The following CNTN2 variants were observed in gnomAD, a reference collection of about 807,000 sequenced individuals.
CNTN2 encodes the protein contactin 2.
In CNTN2, 53 loss-of-function variants were observed where a neutral mutation model predicts 117.5. The ratio of observed to expected loss-of-function variants is 0.45; its 90% CI spans 0.36 to 0.57. The LOEUF (loss-of-function observed/expected upper bound fraction) is 0.57. Among genes scored for constraint, CNTN2 ranks in the 20% least tolerant of loss-of-function variants. CNTN2 has a pLI of 0.00. For synonymous variants in CNTN2, 530 were observed against 561.7 expected, an observed-to-expected ratio of 0.94 and a Z score of 0.80; for missense variants, 1,106 against 1,404.3, an observed-to-expected ratio of 0.79 and a Z score of 3.39.
Position 205,057,950 on chromosome 1 carries a change from A to C in CNTN2, c.100A>C (p.Thr34Pro), listed in dbSNP as rs1574640720. 6.2e-7 allele frequency: 1 copy of C among 1,613,900 alleles called. No homozygotes were observed. Among genetic ancestry groups the C allele is most frequent in the South Asian group, 1.1e-5 (1 of 91,054 alleles). Residue 34 changes from threonine to proline, a missense_variant, in exon 3 of 23, where the codon ACC (threonine) becomes CCC (proline). By Grantham distance (38) the Thr-to-Pro change is conservative. Transcript: ENST00000331830. Reference protein sequence around the residue: ...AWSSALGSQTTFGPVFEDQPL... With the variant: ...AWSSALGSQTPFGPVFEDQPL... ...GAGTTCAGCCCTGGGATCCCAAACC[A>C]CCTTCGGGCCTGTCTTTGAAGACCA...
At position 205,074,120 on chromosome 1, in the gene CNTN2, C is replaced by A. The variant is rs970247567; in HGVS notation, c.*355C>A. On this transcript the variant is annotated 3_prime_UTR_variant, in exon 23 of 23. Transcript: ENST00000331830. ...AGAGATGGCCCTCTGGGACCCTATA[C>A]GGACTCCGCCACTTGAGAGCAGTCC... The A allele has an allele frequency of 3.7e-6, 2 of 535,608 alleles. No homozygotes were observed. Among genetic ancestry groups the A allele is most frequent in the Non-Finnish European group, 6.6e-6 (2 of 304,964 alleles). 33.2% of individuals were successfully genotyped at this position (535,608 alleles called of 1,614,324 possible). A position where few individuals can be genotyped will look rare whatever the true frequency, so the allele number is the denominator to read the frequency against.
At position 205,063,877 on chromosome 1, in the gene CNTN2, A is replaced by G. The variant is rs537761945; in HGVS notation, c.1241-445A>G. ...AGTGCAAAGCTCTGGAGGCAGGAAA[A>G]GACTTCACAACTTCAAAAGAGAGAG... is the stretch of plus-strand genomic sequence containing the variant. On this transcript the variant is annotated intron_variant, in intron 10 of 22. Transcript: ENST00000331830. 4.6e-5 allele frequency among the ~76,000 whole-genome samples: 7 copies of G among 152,130 alleles called. No homozygotes were observed. The East Asian group carries it at 1.4e-3, about 29-fold the overall frequency.
chr1:205,074,075 A>G lies in CNTN2; in HGVS notation c.*310A>G, dbSNP rs561298451. ...GCCCATGGGAAGAAGGGGGTTTTAA[A>G]AACATGTCTTCAACTCAGCAGAGAT... On this transcript the variant is annotated 3_prime_UTR_variant, in exon 23 of 23. Transcript: ENST00000331830. 30 of 569,676 alleles carry G rather than the reference A, an allele frequency of 5.3e-5. No homozygotes were observed. Among genetic ancestry groups the G allele is most frequent in the Non-Finnish European group, 8.7e-5 (28 of 321,284 alleles). The allele number at this position is 569,676 out of a possible 1,614,324, so 35.3% of individuals were successfully genotyped here.
rs774484599 is a variant in CNTN2, at chr1:205,059,200, C to G, written c.604C>G (p.Leu202Val). The change falls in exon 6 of 23, where the codon CTG (leucine) becomes GTG (valine). Residue 202 changes from leucine to valine, a missense_variant. By Grantham distance (32) the Leu-to-Val change is conservative. Transcript: ENST00000331830. This position sits in a 1 kb window ranked among gnomAD's most constrained non-coding sequence, Gnocchi z 5.6. ...LYIARTNASD[L>V]GNYSCLATSH... is the part of the protein sequence containing the mutation. ...CATTGCCCGAACCAATGCCTCAGACCTGGGCAACTACTCCTGTTTGGCCAC... is the reference window on the plus strand; with the variant it reads ...CATTGCCCGAACCAATGCCTCAGACGTGGGCAACTACTCCTGTTTGGCCAC... The G allele has an allele frequency of 1.9e-6, 3 of 1,614,214 alleles. No homozygotes were observed. Among genetic ancestry groups the G allele is most frequent in the South Asian group, 2.2e-5 (2 of 91,088 alleles).
rs1374137076 is a variant in CNTN2 at position 205,070,016 on chromosome 1, G to A, written c.2386G>A (p.Asp796Asn). The change falls in exon 18 of 23, where the codon GAT becomes AAT. Residue 796 changes from aspartate (D) to asparagine (N), a missense_variant. Transcript: ENST00000331830. ...GATCCGCAGCTACAACCGCCGCGGG[G>A]ATGGGCCCGAGAGCCTCACTGCACT... ...VKIRSYNRRG[D>N]GPESLTALVY... is the part of the protein sequence containing the mutation. The A allele has an allele frequency of 6.2e-7, 1 of 1,613,728 alleles. No homozygotes were observed. Among genetic ancestry groups the A allele is most frequent in the African/African-American group, 1.3e-5 (1 of 74,942 alleles).
rs1413674803 is a variant in CNTN2, at chr1:205,053,233, T to C, written c.48T>C (p.Ala16=). 1 of 1,612,906 alleles carries C rather than the reference T, an allele frequency of 6.2e-7. No homozygotes were observed. The highest frequency in any genetic ancestry group is 8.5e-7 in the Non-Finnish European group (1 of 1,179,400). The part of the protein sequence containing the change: ...RRKPHLLLVA[A]VALVSSSAWS... ...AGCCACACCTGCTGCTGGTAGCTGC[T>C]GTGGCCCTTGTCTCCTCTTCAGGTA... is the stretch of plus-strand genomic sequence containing the variant. Residue 16 remains alanine, a synonymous_variant, in exon 2 of 23, where the codon GCT becomes GCC. Transcript: ENST00000331830.
rs554682475 is a variant in CNTN2, at chr1:205,074,829, G to A, written c.*1064G>A. The A allele has an allele frequency of 1.0e-4, 41 of 398,636 alleles. No homozygotes were observed. The South Asian group carries it at 4.7e-3, about 46-fold the overall frequency. 24.7% of individuals were successfully genotyped at this position (398,636 alleles called of 1,614,324 possible). On this transcript the variant is annotated 3_prime_UTR_variant, in exon 23 of 23. Coordinates refer to ENST00000331830, the MANE Select transcript of CNTN2 (RefSeq NM_005076.5). ...TGGGAGGTTTCTGGGAAGGGCAGAG[G>A]ATAAATGTGGCCCTGCCTGCTCCCA...
intron 1 of CNTN2, among the ~76,000 whole-genome samples, chr1:205,044,723 C>T (rs1000023507): frequency 4.6e-5 from 7 of 152,142 alleles, no homozygotes; most frequent in East Asian, 1.9e-4. Flanking sequence ...TCAGAGGGGC[C>T]GGATGAGCCA....
At chr1:205,055,449 C>G (rs2096459495) in intron 2 of CNTN2, among the ~76,000 whole-genome samples, 1 of 152,138 alleles carries the variant, frequency 6.6e-6, no homozygotes, top group East Asian at 1.9e-4. Flanking sequence ...GAGGTGCCTG[C>G]ATGGAGGTGG....
In CNTN2 at chr1:205,058,958, C is replaced by A. The variant is rs1237569420; in HGVS notation, c.488-126C>A. 1 of 850,744 alleles carries A rather than the reference C, an allele frequency of 1.2e-6. No homozygotes were observed. The highest frequency in any genetic ancestry group is 1.7e-5 in the African/African-American group (1 of 59,526). The allele number at this position is 850,744 out of a possible 1,614,324, so 52.7% of individuals were successfully genotyped here. ...TCTTCCCTCTAGGTCTCCCCTTAGC[C>A]CCAGTTCAGAGCATGGTGGCTGTCA... On this transcript the variant is annotated intron_variant, in intron 5 of 22. Coordinates refer to ENST00000331830, the MANE Select transcript of CNTN2 (RefSeq NM_005076.5). The surrounding 1 kb of genome is among the most constrained non-coding windows in gnomAD (Gnocchi z 4.3).
In CNTN2 at chr1:205,048,178, T is replaced by C. The variant is rs952900086; in HGVS notation, c.-87+4784T>C. ...CCATCGGAAGTTGCCAAATCTCTCA[T>C]TGCTCTCCAATCTCCATTACTGGGG... On this transcript the variant is annotated intron_variant, in intron 1 of 22. Coordinates refer to ENST00000331830, the MANE Select transcript of CNTN2 (RefSeq NM_005076.5). The surrounding 1 kb of genome is among the most constrained non-coding windows in gnomAD (Gnocchi z 4.1). 2.6e-5 allele frequency among the ~76,000 whole-genome samples: 4 copies of C among 152,168 alleles called. No individual in the cohort carries two copies. Among genetic ancestry groups the C allele is most frequent in the Non-Finnish European group, 4.4e-5 (3 of 68,014 alleles).
At chr1:205,053,886 G>A (rs895932) in intron 2 of CNTN2, among the ~76,000 whole-genome samples, 91,227 of 148,108 alleles carry the variant, frequency 0.62, 28,882 homozygotes, top group African/African-American at 0.81. Flanking sequence ...TGCGGCAGAC[G>A]AGGGAGCTGA....
In CNTN2 at chr1:205,059,139, G is replaced by A. The variant is rs145237574; in HGVS notation, c.543G>A (p.Gly181=). 11 of 1,614,066 alleles carry A rather than the reference G, an allele frequency of 6.8e-6. No individual in the cohort carries two copies. Among genetic ancestry groups the A allele is most frequent in the Non-Finnish European group, 9.3e-6 (11 of 1,180,052 alleles). The part of the protein sequence containing the change: ...NEFPNFIPTD[G]RHFVSQTTGN... ...TCCCCAACTTCATCCCGACGGACGG[G>A]CGTCACTTCGTGTCCCAGACCACAG... Residue 181 remains glycine (G), a synonymous_variant, in exon 6 of 23, where the codon GGG becomes GGA. Transcript: ENST00000331830. The surrounding 1 kb of genome is among the most constrained non-coding windows in gnomAD (Gnocchi z 5.6).
chr1:205,067,410 C>T (rs1452152124), intron 16 of CNTN2, 160 bp downstream of exon 16: 5 of 790,608 alleles, frequency 6.3e-6, no homozygotes, highest in Non-Finnish European at 9.5e-6. Context: ...AAGTTGGGAC[C>T]AGGGCCACTG....
intron 7 of CNTN2, chr1:205,060,033 G>T (rs181744202): frequency 9.6e-5 from 27 of 280,052 alleles, no homozygotes; most frequent in African/African-American, 5.6e-4. Context: ...CAGACCTTGG[G>T]TAAACTGCCT....
chr1:205,047,391 T>G (rs2096443415), intron 1 of CNTN2, among the ~76,000 whole-genome samples: 1 of 152,128 alleles, frequency 6.6e-6, no homozygotes, highest in Admixed American at 6.5e-5. Context: ...GGTTCAGACC[T>G]TCCTGGAGGA....
At chr1:205,071,893 G>T (rs530286885) in intron 19 of CNTN2, 54 bp from the exon 20 acceptor site, 2 of 1,530,578 alleles carry the variant, frequency 1.3e-6, no homozygotes, top group Non-Finnish European at 1.8e-6. Context: ...GGCCGGGGCA[G>T]CCCTGAGATC....
Position 205,074,051 on chromosome 1 carries a change from C to A in CNTN2, c.*286C>A, listed in dbSNP as rs187129442. On this transcript the variant is annotated 3_prime_UTR_variant, in exon 23 of 23. Transcript: ENST00000331830. ...AGGCTGCCTGGAGGGAAGGAACAGG[C>A]CCATGGGAAGAAGGGGGTTTTAAAA... 1.5e-4 allele frequency: 88 copies of A among 577,260 alleles called. No homozygotes were observed. Among genetic ancestry groups the A allele is most frequent in the African/African-American group, 1.5e-3 (78 of 53,732 alleles). The allele number at this position is 577,260 out of a possible 1,614,324, so 35.8% of individuals were successfully genotyped here.
At position 205,048,502 on chromosome 1, in the gene CNTN2, T is replaced by C. The variant is rs538393991; in HGVS notation, c.-86-4598T>C. Among the ~76,000 whole-genome samples the C allele has an allele frequency of 2.6e-5, 4 of 152,258 alleles. No homozygotes were observed. The South Asian group carries it at 6.2e-4, about 24-fold the overall frequency. ...AGCCCCTGCTGATGACAGCCTGTGC[T>C]TGCCTGTGCCAGTCTGTGCCTGCAC... On this transcript the variant is annotated intron_variant, in intron 1 of 22. Coordinates refer to ENST00000331830, the MANE Select transcript of CNTN2 (RefSeq NM_005076.5). The surrounding 1 kb of genome is among the most constrained non-coding windows in gnomAD (Gnocchi z 4.1).
Sources: gnomAD v4.1 joint callset for allele counts (sites outside exome capture counted in the v4.1 genomes callset) on GRCh38, gnomAD v4.1.1 for gene constraint, Gnocchi (gnomAD v3.1) non-coding constraint, MANE v1.5 for transcripts, NCBI Gene and HGNC (gene_info 2026-07-23, HGNC 2026-07-21) for gene names.